Variants in NWD2 observed in about 807,000 individuals in gnomAD.
NWD2 encodes the protein NACHT and WD repeat domain containing 2.
NWD2 carries 37 observed loss-of-function variants against 132.7 expected under a neutral mutation model. That is an observed-to-expected ratio of 0.28 (90% CI 0.21 to 0.37). The LOEUF (loss-of-function observed/expected upper bound fraction) is 0.37, where lower values mean the gene tolerates loss of function less well. NWD2 is among the 10% of genes least tolerant of loss of function. NWD2 has a pLI of 1.00. For synonymous variants in NWD2, 705 were observed against 803.0 expected, an observed-to-expected ratio of 0.88 and a Z score of 2.06; for missense variants, 1,592 against 2,122.4, an observed-to-expected ratio of 0.75 and a Z score of 4.91.
intron 1 of NWD2, among the ~76,000 whole-genome samples, chr4:37,245,938 C>T (rs181976886): frequency 6.6e-6 from 1 of 152,314 alleles, no homozygotes; most frequent in African/African-American, 2.4e-5. Context: ...TTGTTGCATT[C>T]ACAACCACAG....
In NWD2 at chr4:37,308,684, T is replaced by C. The variant is rs189910327; in HGVS notation, c.152-17252T>C. On this transcript the variant is annotated intron_variant, in intron 1 of 6. Coordinates refer to ENST00000309447, the MANE Select transcript of NWD2 (RefSeq NM_001144990.2). ...GGGAGGGGACATGCAGTGGTTTCAC[T>C]ACTAGATTGGTAGGTCACCAGTGGC... Among the ~76,000 whole-genome samples the C allele has an allele frequency of 4.9e-3, 746 of 152,282 alleles. 4 individuals are homozygous for C. The highest frequency in any genetic ancestry group is 0.017 in the African/African-American group (695 of 41,552).
At chr4:37,344,899 C>A (rs1036307789) in intron 2 of NWD2, among the ~76,000 whole-genome samples, 1 of 152,166 alleles carries the variant, frequency 6.6e-6, no homozygotes, top group Non-Finnish European at 1.5e-5. Flanking sequence ...TAGCCCTAAG[C>A]AACTGCTAAT....
intron 1 of NWD2, among the ~76,000 whole-genome samples, chr4:37,295,303 A>G (rs574442851): frequency 6.6e-6 from 1 of 152,322 alleles, no homozygotes; most frequent in East Asian, 1.9e-4. Context: ...AATATCAGTA[A>G]ATGATCGTGT....
rs1481891754 is a variant in NWD2, at chr4:37,245,041, G to T, written c.-27G>T. On this transcript the variant is annotated 5_prime_UTR_variant, in exon 1 of 7. Coordinates refer to ENST00000309447, the MANE Select transcript of NWD2 (RefSeq NM_001144990.2). ...CCGAGGAGCAGGAGGTGGCGGCGGC[G>T]GCAGTGGCTGTTCCTCCCAGAGGGC... The T allele has an allele frequency of 2.6e-6, 4 of 1,541,744 alleles. No individual in the cohort carries two copies. In the African/African-American group the frequency reaches 4.1e-5, roughly 16 times the overall value.
chr4:37,386,444 C>A (rs1167190494), intron 3 of NWD2, among the ~76,000 whole-genome samples: 3 of 152,020 alleles, frequency 2.0e-5, no homozygotes, highest in African/African-American at 7.2e-5. Context: ...CAGGGTAGGT[C>A]CTGGGTGCTT....
chr4:37,355,907 T>A (rs537921638), intron 2 of NWD2, among the ~76,000 whole-genome samples: 1 of 152,348 alleles, frequency 6.6e-6, no homozygotes, highest in East Asian at 1.9e-4. Flanking sequence ...CAGGGCTTTT[T>A]TTTTTTAAGA....
rs1712610546 is a variant in NWD2 at position 37,445,555 on chromosome 4, C to T, written c.3567C>T (p.Asp1189=). The T allele has an allele frequency of 6.4e-7, 1 of 1,552,082 alleles. No homozygotes were observed. The change falls in exon 7 of 7, where the codon GAC becomes GAT. Residue 1189 remains aspartate, a synonymous_variant. Transcript: ENST00000309447. This position sits in a 1 kb window ranked among gnomAD's most constrained non-coding sequence, Gnocchi z 4.7. The part of the protein sequence containing the change: ...LTDDFDCRRE[D]SEVVSIELSE... ...ATGACTTTGATTGCCGAAGAGAAGA[C>T]AGTGAGGTGGTCAGCATTGAGCTTT...
At chr4:37,322,495 G>A (rs899219954) in intron 1 of NWD2, among the ~76,000 whole-genome samples, 1 of 152,328 alleles carries the variant, frequency 6.6e-6, no homozygotes, top group East Asian at 1.9e-4. Context: ...GAAAGCCAGT[G>A]CTTCTGGAGG....
intron 1 of NWD2, among the ~76,000 whole-genome samples, chr4:37,315,550 T>G (rs1718939152): frequency 6.6e-6 from 1 of 152,152 alleles, no homozygotes; most frequent in African/African-American, 2.4e-5. Context: ...ACTGCATATC[T>G]TCTATCCTTT....
chr4:37,371,072 C>CTTTTTTTTT (rs1309185055), intron 3 of NWD2, among the ~76,000 whole-genome samples: 4 of 100,526 alleles, frequency 4.0e-5, no homozygotes, highest in African/African-American at 7.8e-5. Flanking sequence ...ATTTTTTTTT[C>CTTTTTTTTT]TTTTTCTTTT....
intron 1 of NWD2, among the ~76,000 whole-genome samples, chr4:37,296,869 C>T (rs1172631056): frequency 6.6e-6 from 1 of 152,116 alleles, no homozygotes; most frequent in Non-Finnish European, 1.5e-5. Context: ...AAAATGTGAT[C>T]AAAGGCTCAC....
At chr4:37,410,920 G>C (rs907572465) in intron 3 of NWD2, among the ~76,000 whole-genome samples, 1 of 152,118 alleles carries the variant, frequency 6.6e-6, no homozygotes, top group East Asian at 1.9e-4. Context: ...AAAGAAGGCA[G>C]AAATAAAGGT....
chr4:37,261,380 G>C (rs1402751794), intron 1 of NWD2, among the ~76,000 whole-genome samples: 2 of 152,168 alleles, frequency 1.3e-5, no homozygotes, highest in Non-Finnish European at 1.5e-5. Flanking sequence ...ATTTCCAACT[G>C]TCTGTCAAGG....
At chr4:37,347,394 T>G (rs1314133197) in intron 2 of NWD2, among the ~76,000 whole-genome samples, 8 of 152,116 alleles carry the variant, frequency 5.3e-5, no homozygotes, top group Non-Finnish European at 1.2e-4. Flanking sequence ...TTATTGAATG[T>G]AGGATATTTA....
chr4:37,250,517 T>C (rs1717337409), intron 1 of NWD2, among the ~76,000 whole-genome samples: 1 of 152,242 alleles, frequency 6.6e-6, no homozygotes, highest in South Asian at 2.1e-4. Context: ...CACAGAGTTA[T>C]TGAGTAGATT....
At chr4:37,284,154 AAT>A (rs1333349474) in intron 1 of NWD2, among the ~76,000 whole-genome samples, 2 of 152,154 alleles carry the variant, frequency 1.3e-5, no homozygotes, top group Non-Finnish European at 2.9e-5. Flanking sequence ...TGGGAAATCA[AAT>A]ATCAAGGTGC....
intron 3 of NWD2, among the ~76,000 whole-genome samples, chr4:37,399,756 G>C (rs565926254): frequency 6.6e-6 from 1 of 152,186 alleles, no homozygotes; most frequent in African/African-American, 2.4e-5. Flanking sequence ...ACTTGGGATT[G>C]TAATTTTATG....
Position 37,443,904 on chromosome 4 carries a change from A to T in NWD2, c.1916A>T (p.His639Leu). The T allele has an allele frequency of 6.4e-7, 1 of 1,552,414 alleles. No individual in the cohort carries two copies. The highest frequency in any genetic ancestry group is 8.7e-7 in the Non-Finnish European group (1 of 1,147,146). The change falls in exon 7 of 7, where the codon CAT (histidine) becomes CTT (leucine). Residue 639 changes from histidine to leucine, a missense_variant. Physicochemically the swap from His to Leu is moderately conservative, Grantham distance 99. Around this residue, in one of 7 missense-constraint regions of NWD2, gnomAD observed 1,071 missense variants for 1,398.0 expected, o/e 0.77. Coordinates refer to ENST00000309447, the MANE Select transcript of NWD2 (RefSeq NM_001144990.2). This position sits in a 1 kb window ranked among gnomAD's most constrained non-coding sequence, Gnocchi z 4.1. The part of the protein sequence containing the change: ...VDESSLSVTV[H>L]ESIEQLFWSL... ...GAATCCTCCCTCTCTGTCACCGTTC[A>T]TGAAAGTATAGAGCAGTTATTCTGG... is the stretch of plus-strand genomic sequence containing the variant.
intron 3 of NWD2, among the ~76,000 whole-genome samples, chr4:37,368,321 T>TC (rs1186283400): frequency 5.3e-5 from 8 of 152,148 alleles, no homozygotes; most frequent in African/African-American, 1.9e-4. Flanking sequence ...CGATGCAAGG[T>TC]CCAGATCTGC....
Sources: allele counts gnomAD v4.1 joint callset (sites outside exome capture counted in the v4.1 genomes callset), GRCh38; gene constraint gnomAD v4.1.1; regional missense constraint gnomAD v4.1.1; non-coding constraint Gnocchi (gnomAD v3.1); transcripts MANE v1.5; gene names NCBI Gene and HGNC (gene_info 2026-07-23, HGNC 2026-07-21).